SAE1: variants seen among roughly 807,000 people sequenced by gnomAD.
The protein encoded by SAE1 is SUMO-activating enzyme subunit 1.
Under a neutral mutation model 40.6 loss-of-function variants are expected in SAE1, and 11 were observed. The observed-to-expected ratio is 0.27, with a 90% CI of 0.17 to 0.45. The LOEUF (loss-of-function observed/expected upper bound fraction) is 0.45, where lower values mean the gene tolerates loss of function less well. Ranked by LOEUF, SAE1 falls within the 20% of genes least tolerant of loss-of-function variation. SAE1 has a pLI of 1.00. For synonymous variants in SAE1, 155 were observed against 154.3 expected (o/e 1.00, Z -0.03); for missense variants, 373 against 427.3 (o/e 0.87, Z 1.12).
At chr19:47,166,061 CT>C (rs1371877491) in intron 5 of SAE1, among the ~76,000 whole-genome samples, 1 of 152,222 alleles carries the variant, frequency 6.6e-6, no homozygotes, top group Non-Finnish European at 1.5e-5. Context: ...CCTGGGACCC[CT>C]GAAATCTCCT....
At chr19:47,157,140 T>C (rs1334119714) in intron 5 of SAE1, among the ~76,000 whole-genome samples, 1 of 152,080 alleles carries the variant, frequency 6.6e-6, no homozygotes, top group Non-Finnish European at 1.5e-5. Flanking sequence ...CGTTGGAGAT[T>C]TTCTTTCTCA....
chr19:47,164,076 G>A (rs2058374931), intron 5 of SAE1, among the ~76,000 whole-genome samples: 1 of 152,122 alleles, frequency 6.6e-6, no homozygotes, highest in African/African-American at 2.4e-5. Flanking sequence ...GCTTGTATAT[G>A]TGTATATATA....
At chr19:47,172,414 G>A (rs2058440301) in intron 6 of SAE1, among the ~76,000 whole-genome samples, 1 of 152,158 alleles carries the variant, frequency 6.6e-6, no homozygotes, top group Non-Finnish European at 1.5e-5. Context: ...TTTGGGAGAA[G>A]CTTGTTGCTC....
At chr19:47,192,030 G>C (rs1030804603) in intron 6 of SAE1, among the ~76,000 whole-genome samples, 2 of 151,068 alleles carry the variant, frequency 1.3e-5, no homozygotes, top group African/African-American at 4.9e-5. Context: ...CTCCAGCCTG[G>C]GCAACAGAGC....
intron 7 of SAE1, among the ~76,000 whole-genome samples, chr19:47,200,276 T>C (rs1370488895): frequency 2.0e-5 from 3 of 150,244 alleles, no homozygotes; most frequent in Non-Finnish European, 4.4e-5. Context: ...CTCTGTTGCC[T>C]AGGCTAGAGT....
intron 6 of SAE1, among the ~76,000 whole-genome samples, chr19:47,187,012 A>G (rs2123289433): frequency 6.6e-6 from 1 of 152,286 alleles, no homozygotes; most frequent in African/African-American, 2.4e-5. Flanking sequence ...AGCATAGGGT[A>G]GGGGTGGAGG....
intron 5 of SAE1, among the ~76,000 whole-genome samples, chr19:47,156,181 G>A (rs952548900): frequency 2.8e-4 from 43 of 151,892 alleles, no homozygotes; most frequent in African/African-American, 1.0e-3. Flanking sequence ...TGAGCTGGGA[G>A]GATTGTTTGA....
chr19:47,131,070 G>A (rs1265560096), intron 1 of SAE1, 42 bp downstream of exon 1: 2 of 1,497,218 alleles, frequency 1.3e-6, no homozygotes, highest in East Asian at 2.5e-5. Flanking sequence ...GTCTGGAGGG[G>A]GCGTCTATTC....
rs71180803 is a variant in SAE1 at position 47,174,563 on chromosome 19, AT to A, written c.733+4665del. 4.4e-3 allele frequency among the ~76,000 whole-genome samples: 387 copies of A among 88,494 alleles called. 1 individual carries two copies. Among genetic ancestry groups the A allele is most frequent in the African/African-American group, 0.014 (283 of 19,942 alleles). The allele number at this position is 88,494 out of a possible 152,430, so 58.1% of individuals were successfully genotyped here. A position where few individuals can be genotyped will look rare whatever the true frequency, so the allele number is the denominator to read the frequency against. On this transcript the variant is annotated intron_variant, in intron 6 of 8. Coordinates refer to ENST00000270225, the MANE Select transcript of SAE1 (RefSeq NM_005500.3). ...AGGCATATGTCACCACGCCTGGCAA[AT>A]TTTTTTTTTTTTTTTTTTTTTTTTG... is the stretch of plus-strand genomic sequence containing the variant.
intron 8 of SAE1, among the ~76,000 whole-genome samples, chr19:47,206,768 T>C (rs2058688780): frequency 6.6e-6 from 1 of 152,172 alleles, no homozygotes; most frequent in Admixed American, 6.6e-5. Context: ...GGTAAAGGAC[T>C]CCTGGCCCTA....
chr19:47,163,209 C>T (rs942689053), intron 5 of SAE1, among the ~76,000 whole-genome samples: 2 of 150,862 alleles, frequency 1.3e-5, no homozygotes, highest in African/African-American at 2.4e-5. Flanking sequence ...ATGGATTCAA[C>T]CAACTGTGGA....
chr19:47,204,670 C>G (rs1328127088), intron 8 of SAE1, among the ~76,000 whole-genome samples: 1 of 151,644 alleles, frequency 6.6e-6, no homozygotes, highest in African/African-American at 2.4e-5. Flanking sequence ...CCACACCAGG[C>G]TAATTTTTGT....
intron 6 of SAE1, among the ~76,000 whole-genome samples, chr19:47,196,118 T>A (rs1650809739): frequency 6.7e-6 from 1 of 150,148 alleles, no homozygotes; most frequent in Non-Finnish European, 1.5e-5. Flanking sequence ...CGATCTTGGC[T>A]CACTGCAACC....
chr19:47,138,322 G>A (rs1249166370), intron 1 of SAE1, among the ~76,000 whole-genome samples: 2 of 152,318 alleles, frequency 1.3e-5, no homozygotes, highest in East Asian at 1.9e-4. Flanking sequence ...GGGATTACAG[G>A]CATGAGCCAC....
intron 6 of SAE1, among the ~76,000 whole-genome samples, chr19:47,175,264 T>C (rs990622100): frequency 1.3e-5 from 2 of 152,222 alleles, no homozygotes; most frequent in South Asian, 4.1e-4. Flanking sequence ...TAAGTTGATA[T>C]ATTTTCTCAC....
Position 47,157,904 on chromosome 19 carries a change from T to G in SAE1, c.627+2691T>G, listed in dbSNP as rs191395779. ...CTCACCAAGGGCCCTGCGGACCGACTGGGCTGGACTGGGTTTTGGCCATGG... is the reference window on the plus strand; with the variant it reads ...CTCACCAAGGGCCCTGCGGACCGACGGGGCTGGACTGGGTTTTGGCCATGG... On this transcript the variant is annotated intron_variant, in intron 5 of 8. Transcript: ENST00000270225. Among the ~76,000 whole-genome samples the G allele has an allele frequency of 2.0e-5, 3 of 152,208 alleles. 1 individual carries two copies. Among genetic ancestry groups the G allele is most frequent in the Non-Finnish European group, 4.4e-5 (3 of 68,036 alleles).
At chr19:47,154,550 A>G (rs1370563568) in intron 4 of SAE1, among the ~76,000 whole-genome samples, 1 of 120,832 alleles carries the variant, frequency 8.3e-6, no homozygotes, top group Non-Finnish European at 1.6e-5. Context: ...GCTGGAGTAC[A>G]GTGGCGTGAT....
At chr19:47,135,053 AT>A (rs1186576728) in intron 1 of SAE1, among the ~76,000 whole-genome samples, 1 of 152,150 alleles carries the variant, frequency 6.6e-6, no homozygotes. Flanking sequence ...GTGTGAGTAC[AT>A]AGTAGGTGTA....
chr19:47,180,770 T>C (rs1423351548), intron 6 of SAE1, among the ~76,000 whole-genome samples: 2 of 151,948 alleles, frequency 1.3e-5, no homozygotes. Context: ...CTGCAGTGAG[T>C]TGTGATTGCA....
Sources: gnomAD v4.1 joint callset for allele counts (sites outside exome capture counted in the v4.1 genomes callset) on GRCh38, gnomAD v4.1.1 for gene constraint, MANE v1.5 for transcripts, NCBI Gene and HGNC (gene_info 2026-07-23, HGNC 2026-07-21) for gene names.